The following LOXHD1 variants were observed in gnomAD, a reference collection of about 807,000 sequenced individuals.
LOXHD1 encodes the protein lipoxygenase homology domain-containing protein 1.
In LOXHD1, 205 loss-of-function variants were observed where a neutral mutation model predicts 248.2. The ratio of observed to expected loss-of-function variants is 0.83; its 90% CI spans 0.74 to 0.93. LOXHD1 has a LOEUF of 0.93. Among genes scored for constraint, LOXHD1 ranks in the 40% least tolerant of loss-of-function variants. The pLI, the probability that LOXHD1 is intolerant of heterozygous loss-of-function variation, is 0.00. For synonymous variants in LOXHD1, 1,113 were observed against 1,162.8 expected, an observed-to-expected ratio of 0.96 and a Z score of 0.87; for missense variants, 2,930 against 2,971.6, an observed-to-expected ratio of 0.99 and a Z score of 0.33.
chr18:46,598,774 A>G (rs971005112), intron 8 of LOXHD1, among the ~76,000 whole-genome samples: 5 of 152,168 alleles, frequency 3.3e-5, no homozygotes, highest in Non-Finnish European at 7.4e-5. Flanking sequence ...CACAAAATAT[A>G]AAACTATATT....
At chr18:46,612,737 G>A (rs2038527171) in intron 5 of LOXHD1, among the ~76,000 whole-genome samples, 1 of 151,876 alleles carries the variant, frequency 6.6e-6, no homozygotes, top group African/African-American at 2.4e-5. Flanking sequence ...TTTTATTTTT[G>A]TTTTTTCACA....
intron 33 of LOXHD1, among the ~76,000 whole-genome samples, chr18:46,519,817 C>T (rs1347065345): frequency 2.0e-5 from 3 of 152,184 alleles, no homozygotes; most frequent in Non-Finnish European, 4.4e-5. Context: ...GAGACAGAAA[C>T]AGTGCTCTTG....
Position 46,522,285 on chromosome 18 carries a change from G to C in LOXHD1, c.4901C>G (p.Thr1634Ser). The C allele has an allele frequency of 1.9e-6, 3 of 1,551,832 alleles. No homozygotes were observed. The highest frequency in any genetic ancestry group is 2.6e-6 in the Non-Finnish European group (3 of 1,147,010). ...GPIIPYYVSV[T>S]TGKHKDAATD... The stretch of plus-strand genomic sequence containing the variant: ...GGCCGCGTCCTTGTGCTTCCCAGTG[G>C]TGACTGACACATAGTAGGGAATAAC... The change falls in exon 32 of 41, where the codon ACC becomes AGC. Residue 1634 changes from threonine to serine, a missense_variant. Physicochemically the swap from Thr to Ser is moderately conservative, Grantham distance 58. Coordinates refer to ENST00000642948, the MANE Select transcript of LOXHD1 (RefSeq NM_001384474.1).
At chr18:46,550,999 A>T (rs1362606236) in intron 21 of LOXHD1, among the ~76,000 whole-genome samples, 1 of 152,182 alleles carries the variant, frequency 6.6e-6, no homozygotes, top group African/African-American at 2.4e-5. Flanking sequence ...CAAGGCACTC[A>T]TAATATCAAT....
chr18:46,611,787 A>C (rs2038512607), intron 5 of LOXHD1, among the ~76,000 whole-genome samples: 1 of 152,206 alleles, frequency 6.6e-6, no homozygotes, highest in South Asian at 2.1e-4. Flanking sequence ...GTAAAACATG[A>C]CAGATATGTC....
intron 28 of LOXHD1, 49 bp downstream of exon 28, chr18:46,533,113 G>T: frequency 6.5e-7 from 1 of 1,542,664 alleles, no homozygotes; most frequent in South Asian, 1.2e-5. Context: ...AGGAGGACCA[G>T]GGTCCTGGAG....
chr18:46,496,558 T>C (rs1384804415), intron 37 of LOXHD1, among the ~76,000 whole-genome samples: 1 of 151,768 alleles, frequency 6.6e-6, no homozygotes, highest in African/African-American at 2.4e-5. Flanking sequence ...ATAGAGAGAG[T>C]CTAAGGACAT....
At chr18:46,533,506 A>G (rs978867414) in intron 27 of LOXHD1, among the ~76,000 whole-genome samples, 182 bp from the exon 28 acceptor site, 1 of 152,214 alleles carries the variant, frequency 6.6e-6, no homozygotes, top group East Asian at 1.9e-4. Flanking sequence ...GACTTGCACA[A>G]CCACATCAGA....
intron 37 of LOXHD1, among the ~76,000 whole-genome samples, chr18:46,498,738 T>A (rs1048285576): frequency 6.6e-6 from 1 of 152,210 alleles, no homozygotes; most frequent in African/African-American, 2.4e-5. Context: ...AAATCCATGG[T>A]GATCTCATCT....
chr18:46,591,869 G>T, intron 12 of LOXHD1, 64 bp downstream of exon 12: 7 of 1,539,702 alleles, frequency 4.5e-6, no homozygotes, highest in Non-Finnish European at 6.2e-6. Flanking sequence ...CATAGGTCAG[G>T]CCCATCGGGA....
In LOXHD1 at chr18:46,567,510, C is replaced by G. The variant is rs370327339; in HGVS notation, c.2245-1061G>C. 1.6e-4 allele frequency among the ~76,000 whole-genome samples: 25 copies of G among 152,288 alleles called. No homozygotes were observed. The East Asian group carries it at 4.6e-3, about 28-fold the overall frequency. ...AGGGACAGGGAAGAGTTTTGTTGTT[C>G]TTCTGTGGTGCCAGGACTATGAAAG... On this transcript the variant is annotated intron_variant, in intron 16 of 40. Coordinates refer to ENST00000642948, the MANE Select transcript of LOXHD1 (RefSeq NM_001384474.1).
chr18:46,601,421 A>G lies in LOXHD1; in HGVS notation c.930T>C (p.Ala310=), dbSNP rs1468183641. ...CCAAGTAGATTTTGGATTTGGTACC[A>G]GCCCCCCGGACATCCCCAGTGAAGA... The part of the protein sequence containing the change: ...VTVFTGDVRG[A]GTKSKIYLVM... The change falls in exon 8 of 41, where the codon GCT becomes GCC. Residue 310 remains alanine, a synonymous_variant. Transcript: ENST00000642948. 1 of 1,551,738 alleles carries G rather than the reference A, an allele frequency of 6.4e-7. No homozygotes were observed.
intron 40 of LOXHD1, among the ~76,000 whole-genome samples, chr18:46,482,245 T>C (rs895422332): frequency 6.6e-6 from 1 of 152,200 alleles, no homozygotes; most frequent in African/African-American, 2.4e-5. Flanking sequence ...AATTTATACA[T>C]TGAAGCTGGA....
At chr18:46,494,977 C>T (rs1220290126) in intron 37 of LOXHD1, among the ~76,000 whole-genome samples, 1 of 151,548 alleles carries the variant, frequency 6.6e-6, no homozygotes, top group African/African-American at 2.4e-5. Flanking sequence ...CCTCAGACTC[C>T]CGAGTAGCTG....
chr18:46,560,671 G>T (rs933229349), intron 18 of LOXHD1, 126 bp from the exon 19 acceptor site: 1 of 884,294 alleles, frequency 1.1e-6, no homozygotes, highest in Admixed American at 2.8e-5. Context: ...AGAGGGCTGG[G>T]GCCTCTGTGC....
chr18:46,524,958 A>T (rs1208531289), intron 29 of LOXHD1, 41 bp from the exon 30 acceptor site: 1 of 1,542,120 alleles, frequency 6.5e-7, no homozygotes, highest in Non-Finnish European at 8.8e-7. Context: ...GGGGTGTGCC[A>T]CCCACTCAAC....
At chr18:46,624,482 A>G (rs1022654643) in intron 4 of LOXHD1, among the ~76,000 whole-genome samples, 1 of 152,190 alleles carries the variant, frequency 6.6e-6, no homozygotes, top group South Asian at 2.1e-4. Flanking sequence ...AAGCTGGCTC[A>G]TGGCCACCGA....
chr18:46,520,456 T>G, intron 33 of LOXHD1: 5 of 374,712 alleles, frequency 1.3e-5, no homozygotes, highest in South Asian at 1.0e-4. Flanking sequence ...ACCAAATGGC[T>G]GTGTGTCCTC....
intron 12 of LOXHD1, among the ~76,000 whole-genome samples, chr18:46,586,904 A>T (rs1368515647): frequency 6.6e-6 from 1 of 152,228 alleles, no homozygotes; most frequent in Non-Finnish European, 1.5e-5. Flanking sequence ...ATATGCAGAC[A>T]GCTGAAAAAA....
Sources: gnomAD v4.1 joint callset for allele counts (sites outside exome capture counted in the v4.1 genomes callset) on GRCh38, gnomAD v4.1.1 for gene constraint, MANE v1.5 for transcripts, NCBI Gene and HGNC (gene_info 2026-07-23, HGNC 2026-07-21) for gene names.